The following KCNH8 variants were observed in gnomAD, a reference collection of about 807,000 sequenced individuals.
The protein encoded by KCNH8 is potassium voltage-gated channel subfamily H member 8.
Under a neutral mutation model 103.6 loss-of-function variants are expected in KCNH8, and 70 were observed. The ratio of observed to expected loss-of-function variants is 0.68; its 90% CI spans 0.56 to 0.82. The LOEUF (loss-of-function observed/expected upper bound fraction) is 0.82. KCNH8 is among the 40% of genes least tolerant of loss of function. KCNH8 has a pLI of 0.00. For missense variants in KCNH8, 1,217 were observed against 1,329.9 expected (o/e 0.92, Z 1.32); for synonymous variants, 498 against 489.4 (o/e 1.02, Z -0.23).
intron 7 of KCNH8, among the ~76,000 whole-genome samples, chr3:19,428,941 ACTT>A (rs2067070012): frequency 2.0e-5 from 3 of 151,740 alleles, no homozygotes; most frequent in Non-Finnish European, 2.9e-5. Context: ...CATTCTATCT[ACTT>A]CTTATTTTTC....
At chr3:19,278,382 G>A (rs2064705788) in intron 2 of KCNH8, among the ~76,000 whole-genome samples, 1 of 149,752 alleles carries the variant, frequency 6.7e-6, no homozygotes, top group African/African-American at 2.5e-5. Flanking sequence ...AGGGACAGTT[G>A]AAAGGAAAAA....
At chr3:19,182,121 A>G (rs1210243329) in intron 1 of KCNH8, among the ~76,000 whole-genome samples, 2 of 152,168 alleles carry the variant, frequency 1.3e-5, no homozygotes, top group African/African-American at 4.8e-5. Context: ...AATAGAGGCC[A>G]TATATTCTTT....
intron 5 of KCNH8, among the ~76,000 whole-genome samples, chr3:19,366,664 AAAGTAT>A (rs2066015285): frequency 6.6e-6 from 1 of 151,990 alleles, no homozygotes; most frequent in Admixed American, 6.6e-5. Flanking sequence ...ATGTTTTCTT[AAAGTAT>A]AAAAAAATAA....
intron 1 of KCNH8, among the ~76,000 whole-genome samples, chr3:19,190,745 G>A (rs2063544071): frequency 6.6e-6 from 1 of 151,926 alleles, no homozygotes; most frequent in South Asian, 2.1e-4. Context: ...CTTTCACAAT[G>A]TGTAATGGAT....
intron 4 of KCNH8, among the ~76,000 whole-genome samples, chr3:19,344,292 C>G (rs942867471): frequency 6.6e-6 from 1 of 152,048 alleles, no homozygotes; most frequent in Non-Finnish European, 1.5e-5. Context: ...CTGACACTGT[C>G]TAGCTTTTAG....
chr3:19,158,652 T>A (rs1308225083), intron 1 of KCNH8, among the ~76,000 whole-genome samples: 3 of 151,902 alleles, frequency 2.0e-5, no homozygotes, highest in African/African-American at 7.2e-5. Context: ...ATCTTTGCAA[T>A]TGCTATGTAA....
intron 8 of KCNH8, among the ~76,000 whole-genome samples, chr3:19,444,647 GA>G: frequency 6.6e-6 from 1 of 151,086 alleles, no homozygotes; most frequent in East Asian, 2.0e-4. Flanking sequence ...AAATCAATAA[GA>G]AAAAAATCAA....
At chr3:19,360,433 T>G (rs940305311) in intron 5 of KCNH8, among the ~76,000 whole-genome samples, 1 of 152,076 alleles carries the variant, frequency 6.6e-6, no homozygotes, top group African/African-American at 2.4e-5. Flanking sequence ...TAGATAAAAG[T>G]TATCGTTAAC....
chr3:19,295,772 T>G (rs1380510460), intron 3 of KCNH8, among the ~76,000 whole-genome samples: 1 of 152,106 alleles, frequency 6.6e-6, no homozygotes, highest in Non-Finnish European at 1.5e-5. Flanking sequence ...AGTTTTTATA[T>G]GGGGTTACTG....
intron 11 of KCNH8, among the ~76,000 whole-genome samples, chr3:19,469,758 C>T (rs992319280): frequency 6.6e-6 from 1 of 152,158 alleles, no homozygotes; most frequent in Non-Finnish European, 1.5e-5. Context: ...AAATAAAGAT[C>T]AATTTGGACT....
Position 19,258,939 on chromosome 3 carries a change from C to A in KCNH8, c.310+5052C>A, listed in dbSNP as rs546481975. On this transcript the variant is annotated intron_variant, in intron 2 of 15. Coordinates refer to ENST00000328405, the MANE Select transcript of KCNH8 (RefSeq NM_144633.3). ...TCTCTCTCTCTCTCTCTCTCTCTCT[C>A]TCTCTCTCTATATATATATATATAT... is the stretch of plus-strand genomic sequence containing the variant. Among the ~76,000 whole-genome samples, 343 of 73,774 alleles carry A rather than the reference C, an allele frequency of 4.6e-3. 1 individual carries two copies. The highest frequency in any genetic ancestry group is 0.016 in the African/African-American group (271 of 17,386). The allele number at this position is 73,774 out of a possible 152,430, so 48.4% of individuals were successfully genotyped here. A position where few individuals can be genotyped will look rare whatever the true frequency, so the allele number is the denominator to read the frequency against.
intron 9 of KCNH8, 140 bp from the exon 10 acceptor site, chr3:19,451,015 C>A: frequency 2.6e-6 from 2 of 755,372 alleles, no homozygotes; most frequent in Non-Finnish European, 4.5e-6. Flanking sequence ...CAGGATTATA[C>A]ATACTTAGAT....
At chr3:19,429,142 CATATGA>C (rs975186410) in intron 7 of KCNH8, among the ~76,000 whole-genome samples, 2 of 145,564 alleles carry the variant, frequency 1.4e-5, no homozygotes, top group Non-Finnish European at 3.0e-5. Flanking sequence ...TTTTTAAATG[CATATGA>C]GTCAGAATCC....
At chr3:19,335,583 T>C (rs1168049903) in intron 3 of KCNH8, among the ~76,000 whole-genome samples, 1 of 150,986 alleles carries the variant, frequency 6.6e-6, no homozygotes, top group African/African-American at 2.4e-5. Flanking sequence ...TTTGGCTCTT[T>C]TATTCTCTGA....
intron 1 of KCNH8, among the ~76,000 whole-genome samples, chr3:19,211,081 G>T (rs543980044): frequency 1.3e-5 from 2 of 152,172 alleles, no homozygotes; most frequent in Admixed American, 6.5e-5. Flanking sequence ...ATTTTCATTA[G>T]TTTTCTACAT....
intron 11 of KCNH8, among the ~76,000 whole-genome samples, chr3:19,505,956 G>A (rs1164876838): frequency 6.6e-6 from 1 of 151,478 alleles, no homozygotes; most frequent in East Asian, 1.9e-4. Flanking sequence ...GGTTTATTCT[G>A]CTCTTAATAA....
chr3:19,533,871 T>TTCTG lies in KCNH8; in HGVS notation c.3101_3104dup (p.Ser1036LeufsTer68). 6.2e-7 allele frequency: 1 copy of TTCTG among 1,614,196 alleles called. No individual in the cohort carries two copies. Among genetic ancestry groups the TTCTG allele is most frequent in the South Asian group, 1.1e-5 (1 of 91,084 alleles). On this transcript the variant is annotated frameshift_variant, in exon 16 of 16. Coordinates refer to ENST00000328405, the MANE Select transcript of KCNH8 (RefSeq NM_144633.3). LOFTEE classifies it high-confidence loss of function. Reference sequence around the variant, plus strand: ...AGTCCATTTCAGCAACTCTCTCATCTTCTGTCTGCTCCTCTTCGGAAACAT... The same window carrying TTCTG: ...AGTCCATTTCAGCAACTCTCTCATCTTCTGTCTGTCTGCTCCTCTTCGGAAACAT...
chr3:19,435,027 T>C (rs1309369748), intron 7 of KCNH8, among the ~76,000 whole-genome samples: 1 of 152,102 alleles, frequency 6.6e-6, no homozygotes, highest in Non-Finnish European at 1.5e-5. Context: ...AGAATAAATC[T>C]TAAATGTTCT....
intron 3 of KCNH8, among the ~76,000 whole-genome samples, chr3:19,288,209 T>TTG (rs2064863102): frequency 6.8e-6 from 1 of 147,354 alleles, no homozygotes; most frequent in Non-Finnish European, 1.5e-5. Flanking sequence ...TTTTTTTTTT[T>TTG]TTAGTATTAA....
Sources: allele counts gnomAD v4.1 joint callset (sites outside exome capture counted in the v4.1 genomes callset), GRCh38; gene constraint gnomAD v4.1.1; transcripts MANE v1.5; gene names NCBI Gene and HGNC (gene_info 2026-07-23, HGNC 2026-07-21).